Variants in TEX15 observed in about 807,000 individuals in gnomAD.
TEX15 encodes testis-expressed protein 15.
Under a neutral mutation model 237.3 loss-of-function variants are expected in TEX15, and 171 were observed. That is an observed-to-expected ratio of 0.72 (90% CI 0.64 to 0.82). The LOEUF is 0.82. Among genes scored for constraint, TEX15 ranks in the 40% least tolerant of loss-of-function variants. The pLI is 0.00. For synonymous variants in TEX15, 1,338 were observed against 1,269.8 expected, an observed-to-expected ratio of 1.05 and a Z score of -1.14; for missense variants, 3,750 against 3,646.5, an observed-to-expected ratio of 1.03 and a Z score of -0.73.
In TEX15 at chr8:30,881,615, TATTTTTTTTTATTA is replaced by T. The variant is rs1563266984; in HGVS notation, c.136+5538_136+5551del. On this transcript the variant is annotated intron_variant, in intron 3 of 10. Transcript: ENST00000643185. ...TAATTATCCTTCCATCTTGACTTTT[TATTTTTTTTTATTA>T]TTTTTTTTTTTTGAGACAGTCTTGC... Among the ~76,000 whole-genome samples, 17 of 128,780 alleles carry T rather than the reference TATTTTTTTTTATTA, an allele frequency of 1.3e-4. 3 individuals carry two copies. The highest frequency in any genetic ancestry group is 2.3e-4 in the African/African-American group (6 of 25,568). The allele number at this position is 128,780 out of a possible 152,430, so 84.5% of individuals were successfully genotyped here.
rs1486656352 is a variant in TEX15 at position 30,900,837 on chromosome 8, T to C, written c.-85-2020A>G. On this transcript the variant is annotated intron_variant, in intron 1 of 10. Coordinates refer to ENST00000643185, the MANE Select transcript of TEX15 (RefSeq NM_001350162.2). ...AAGGTACTGATTTGGTAAACCTTTCTACAATTCATGGGTGATATTCCATGA... is the reference window on the plus strand; with the variant it reads ...AAGGTACTGATTTGGTAAACCTTTCCACAATTCATGGGTGATATTCCATGA... Among the ~76,000 whole-genome samples the C allele has an allele frequency of 4.6e-5, 7 of 152,378 alleles. No homozygotes were observed. In the South Asian group the frequency reaches 6.2e-4, roughly 14 times the overall value.
rs1171200072 is a variant in TEX15 at position 30,845,671 on chromosome 8, CTTT to C, written c.4493_4495del (p.Lys1498del). The C allele has an allele frequency of 6.2e-7, 1 of 1,613,482 alleles. No individual in the cohort carries two copies. The highest frequency in any genetic ancestry group is 1.7e-5 in the Admixed American group (1 of 59,986). ...TCCCATGTGACTGGTGGTGGGGTGACTTTTTGAGACACTGCTAGCCATACTTTT... is the reference window on the plus strand; with the variant it reads ...TCCCATGTGACTGGTGGTGGGGTGACTTGAGACACTGCTAGCCATACTTTT... On this transcript the variant is annotated inframe_deletion, in exon 8 of 11. Coordinates refer to ENST00000643185, the MANE Select transcript of TEX15 (RefSeq NM_001350162.2).
At position 30,837,040 on chromosome 8, in the gene TEX15, T is replaced by C. The variant is rs1216129370; in HGVS notation, c.9244A>G (p.Ser3082Gly). Residue 3082 changes from serine (S) to glycine (G), a missense_variant, in exon 10 of 11, where the codon AGT (serine) becomes GGT (glycine). Coordinates refer to ENST00000643185, the MANE Select transcript of TEX15 (RefSeq NM_001350162.2). ...SPSGLLTTVA[S>G]TAQGTHSNLL... ...TTAGAATGTGTGCCCTGGGCAGTAC[T>C]TGCAACTGTGGTCAACAGCCCAGAA... is the stretch of plus-strand genomic sequence containing the variant. 1 of 1,614,076 alleles carries C rather than the reference T, an allele frequency of 6.2e-7. No homozygotes were observed. Among genetic ancestry groups the C allele is most frequent in the African/African-American group, 1.3e-5 (1 of 74,942 alleles).
Position 30,832,989 on chromosome 8 carries a change from T to C in TEX15, c.*297A>G, listed in dbSNP as rs1399480042. The C allele has an allele frequency of 1.8e-5, 4 of 218,050 alleles. No homozygotes were observed. Among genetic ancestry groups the C allele is most frequent in the Admixed American group, 5.7e-5 (1 of 17,412 alleles). The allele number at this position is 218,050 out of a possible 1,614,324, so 13.5% of individuals were successfully genotyped here. A position where few individuals can be genotyped will look rare whatever the true frequency, so the allele number is the denominator to read the frequency against. Reference sequence around the variant, plus strand: ...ATGGCACAATGCCATCAACAATGTATTGAAACATATCAGAAGCAAGAATCT... The same window carrying C: ...ATGGCACAATGCCATCAACAATGTACTGAAACATATCAGAAGCAAGAATCT... On this transcript the variant is annotated 3_prime_UTR_variant, in exon 11 of 11. Coordinates refer to ENST00000643185, the MANE Select transcript of TEX15 (RefSeq NM_001350162.2).
At chr8:30,865,408 C>A (rs1280747147) in intron 5 of TEX15, among the ~76,000 whole-genome samples, 1 of 152,092 alleles carries the variant, frequency 6.6e-6, no homozygotes, top group Non-Finnish European at 1.5e-5. Flanking sequence ...CAATTCTAAT[C>A]AAACTATTCA....
In TEX15 at chr8:30,844,184, C is replaced by A. The variant is rs1807531470; in HGVS notation, c.5983G>T (p.Ala1995Ser). ...KEKHCSANHTALIANLSQILQ... is the reference protein window; with the variant it reads ...KEKHCSANHTSLIANLSQILQ... Reference sequence around the variant, plus strand: ...ATTTGAGATAGATTAGCTATAAGGGCCGTATGATTAGCTGAGCAATGTTTT... The same window carrying A: ...ATTTGAGATAGATTAGCTATAAGGGACGTATGATTAGCTGAGCAATGTTTT... Residue 1995 changes from alanine to serine, a missense_variant, in exon 8 of 11, where the codon GCC becomes TCC. By Grantham distance (99) the Ala-to-Ser change is moderately conservative (BLOSUM62 1). Transcript: ENST00000643185. 6.2e-7 allele frequency: 1 copy of A among 1,612,302 alleles called. No homozygotes were observed. The highest frequency in any genetic ancestry group is 1.1e-5 in the South Asian group (1 of 90,696).
At chr8:30,864,253 T>A (rs1399930892) in intron 5 of TEX15, among the ~76,000 whole-genome samples, 4 of 147,696 alleles carry the variant, frequency 2.7e-5, no homozygotes, top group Admixed American at 6.8e-5. Flanking sequence ...AAACGAAAAT[T>A]ATTGAGGCTG....
rs1182821989 is a variant in TEX15, at chr8:30,836,608, GT to G, written c.9481+194del. On this transcript the variant is annotated intron_variant, in intron 10 of 10. Coordinates refer to ENST00000643185, the MANE Select transcript of TEX15 (RefSeq NM_001350162.2). ...CAAGGACATATTAGTGATACTGACAGTTTTTTTTCTTGAATTTTTGACAACT... is the reference window on the plus strand; with the variant it reads ...CAAGGACATATTAGTGATACTGACAGTTTTTTTCTTGAATTTTTGACAACT... Among the ~76,000 whole-genome samples, 6 of 151,960 alleles carry G rather than the reference GT, an allele frequency of 3.9e-5. No individual in the cohort carries two copies. In the South Asian group the frequency reaches 1.0e-3, roughly 26 times the overall value.
rs1367740554 is a variant in TEX15, at chr8:30,846,242, T to C, written c.3925A>G (p.Arg1309Gly). ...ISKRKLHISS[R>G]DQNIPHKDLR... The stretch of plus-strand genomic sequence containing the variant: ...TCTTTATGTGGTATGTTCTGATCCC[T>C]GGAAGATATATGTAGCTTCCTTTTG... Residue 1309 changes from arginine (R) to glycine (G), a missense_variant, in exon 8 of 11, where the codon AGG becomes GGG. Physicochemically the swap from Arg to Gly is moderately radical, Grantham distance 125 (BLOSUM62 -2). Coordinates refer to ENST00000643185, the MANE Select transcript of TEX15 (RefSeq NM_001350162.2). 6.2e-6 allele frequency: 10 copies of C among 1,613,504 alleles called. No individual in the cohort carries two copies. The highest frequency in any genetic ancestry group is 2.5e-6 in the Non-Finnish European group (3 of 1,179,708).
At chr8:30,910,813 T>G (rs1015169654) in intron 1 of TEX15, among the ~76,000 whole-genome samples, 1 of 151,984 alleles carries the variant, frequency 6.6e-6, no homozygotes, top group African/African-American at 2.4e-5. Flanking sequence ...CCCTCAAATT[T>G]TGACATCTTT....
At chr8:30,854,515 G>T (rs1345787636) in intron 7 of TEX15, among the ~76,000 whole-genome samples, 1 of 151,950 alleles carries the variant, frequency 6.6e-6, no homozygotes, top group Non-Finnish European at 1.5e-5. Context: ...TACCCACAAG[G>T]AAAAACCCAT....
intron 10 of TEX15, 24 bp downstream of exon 10, chr8:30,836,779 C>T: frequency 1.9e-6 from 3 of 1,552,792 alleles, no homozygotes; most frequent in Admixed American, 3.9e-5. Context: ...CTCAATAAAG[C>T]AGGCATTAAA....
intron 4 of TEX15, among the ~76,000 whole-genome samples, chr8:30,869,328 A>G (rs936328163): frequency 1.3e-5 from 2 of 152,058 alleles, no homozygotes; most frequent in Non-Finnish European, 2.9e-5. Context: ...TGTGCCCCCA[A>G]GAATTAAAGA....
Position 30,845,919 on chromosome 8 carries a change from A to G in TEX15, c.4248T>C (p.Tyr1416=). 2 of 1,613,396 alleles carry G rather than the reference A, an allele frequency of 1.2e-6. No homozygotes were observed. The highest frequency in any genetic ancestry group is 1.7e-6 in the Non-Finnish European group (2 of 1,179,622). The change falls in exon 8 of 11, where the codon TAT becomes TAC. Residue 1416 remains tyrosine (Y), a synonymous_variant. Coordinates refer to ENST00000643185, the MANE Select transcript of TEX15 (RefSeq NM_001350162.2). ...EERKGPLPKS[Y]AIICNNFWES... ...CCCAGAAATTATTGCATATTATTGC[A>G]TATGATTTTGGTAATGGGCCCTTTC...
In TEX15 at chr8:30,847,316, G is replaced by A. The variant is rs1178036450; in HGVS notation, c.2851C>T (p.Gln951Ter). ...CTTCCAGTATTTTCAGTATCTTTTT[G>A]TTTCACGGCACTAATGGTATCTTCT... The part of the protein sequence containing the change: ...SEEDTISAVK[Q>*]KDTENTGRSV... Residue 951 changes from glutamine to a stop codon, truncating the protein, a stop_gained, in exon 8 of 11, where the codon CAA becomes TAA. Transcript: ENST00000643185. LOFTEE classifies it high-confidence loss of function. The A allele has an allele frequency of 6.2e-7, 1 of 1,613,736 alleles. No homozygotes were observed. The highest frequency in any genetic ancestry group is 2.2e-5 in the East Asian group (1 of 44,882).
Position 30,837,831 on chromosome 8 carries a change from A to T in TEX15, c.8453T>A (p.Met2818Lys). The change falls in exon 10 of 11, where the codon ATG (methionine) becomes AAG (lysine). Residue 2818 changes from methionine (M) to lysine (K), a missense_variant. By Grantham distance (95) the Met-to-Lys change is moderately conservative (BLOSUM62 -1). Transcript: ENST00000643185. ...FSGQQENLNS[M>K]KKRNVNFSAA... Reference sequence around the variant, plus strand: ...ACTGAAGTTCACATTTCTTTTCTTCATGCTATTTAAATTTTCCTGTTGTCC... The same window carrying T: ...ACTGAAGTTCACATTTCTTTTCTTCTTGCTATTTAAATTTTCCTGTTGTCC... 1.2e-6 allele frequency: 2 copies of T among 1,614,072 alleles called. No homozygotes were observed. The highest frequency in any genetic ancestry group is 1.7e-6 in the Non-Finnish European group (2 of 1,180,014).
At position 30,844,358 on chromosome 8, in the gene TEX15, C is replaced by T; in HGVS notation, c.5809G>A (p.Asp1937Asn). 6.2e-7 allele frequency: 1 copy of T among 1,611,300 alleles called. No homozygotes were observed. Among genetic ancestry groups the T allele is most frequent in the Non-Finnish European group, 8.5e-7 (1 of 1,178,966 alleles). ...EIKVSKDSQS[D>N]LTLHSEIAYI... ...GCTATTTCTGAATGTAATGTCAAGTCAGACTGCGAGTCTTTACTAACTTTA... is the reference window on the plus strand; with the variant it reads ...GCTATTTCTGAATGTAATGTCAAGTTAGACTGCGAGTCTTTACTAACTTTA... The change falls in exon 8 of 11, where the codon GAC becomes AAC. Residue 1937 changes from aspartate to asparagine, a missense_variant. Coordinates refer to ENST00000643185, the MANE Select transcript of TEX15 (RefSeq NM_001350162.2).
In TEX15 at chr8:30,842,764, T is replaced by C. The variant is rs1807491859; in HGVS notation, c.7403A>G (p.Lys2468Arg). 11 of 1,613,326 alleles carry C rather than the reference T, an allele frequency of 6.8e-6. No homozygotes were observed. The highest frequency in any genetic ancestry group is 7.6e-6 in the Non-Finnish European group (9 of 1,179,692). The stretch of plus-strand genomic sequence containing the variant: ...CCAAAGCATACCTCGAAACCTCTGT[T>C]TGTCTAGTTTCTTTGCTATTGAGTT... ...LKNSIAKKLDKQRFRGMLWFD... is the reference protein window; with the variant it reads ...LKNSIAKKLDRQRFRGMLWFD... Residue 2468 changes from lysine (K) to arginine (R), a missense_variant, in exon 8 of 11, where the codon AAA becomes AGA. Lys to Arg is a conservative substitution (Grantham distance 26). Transcript: ENST00000643185.
rs182586149 is a variant in TEX15, at chr8:30,895,512, C to A, written c.-10+3230G>T. On this transcript the variant is annotated intron_variant, in intron 2 of 10. Transcript: ENST00000643185. ...TATTGGACTTAAAGAATGTTGCTGA[C>A]CTTTCTCTGCCAATTAAGGCATGAG... Among the ~76,000 whole-genome samples the A allele has an allele frequency of 3.9e-4, 59 of 151,470 alleles. 1 individual carries two copies. In the East Asian group the frequency reaches 0.011, roughly 28 times the overall value.
Sources: allele counts gnomAD v4.1 joint callset (sites outside exome capture counted in the v4.1 genomes callset), GRCh38; gene constraint gnomAD v4.1.1; transcripts MANE v1.5; gene names NCBI Gene and HGNC (gene_info 2026-07-23, HGNC 2026-07-21).